The following FER variants were observed in gnomAD, a reference collection of about 807,000 sequenced individuals.
FER encodes the protein tyrosine-protein kinase Fer.
Under a neutral mutation model 111.0 loss-of-function variants are expected in FER, and 63 were observed. The observed-to-expected ratio is 0.57, with a 90% CI of 0.46 to 0.70. The LOEUF (loss-of-function observed/expected upper bound fraction) is 0.70, where lower values mean the gene tolerates loss of function less well. Ranked by LOEUF, FER falls within the 30% of genes least tolerant of loss-of-function variation. The pLI is 0.00. For missense variants in FER, 914 were observed against 954.0 expected, an observed-to-expected ratio of 0.96 and a Z score of 0.55; for synonymous variants, 327 against 313.9, an observed-to-expected ratio of 1.04 and a Z score of -0.44.
At chr5:108,769,480 C>T (rs1363812578) in intron 2 of FER, among the ~76,000 whole-genome samples, 1 of 151,880 alleles carries the variant, frequency 6.6e-6, no homozygotes, top group African/African-American at 2.4e-5. Context: ...AGGGTTTGGC[C>T]CGAGGTTTGC....
At chr5:108,947,256 C>T (rs1757109576) in intron 11 of FER, among the ~76,000 whole-genome samples, 1 of 151,924 alleles carries the variant, frequency 6.6e-6, no homozygotes, top group African/African-American at 2.4e-5. Context: ...TCTATTTAAG[C>T]TTTTGAGGAA....
At chr5:108,947,417 C>T (rs1309767643) in intron 11 of FER, among the ~76,000 whole-genome samples, 1 of 151,950 alleles carries the variant, frequency 6.6e-6, no homozygotes, top group Non-Finnish European at 1.5e-5. Flanking sequence ...TAGTATCTTA[C>T]TGTAGTTTTA....
chr5:109,057,705 A>T (rs1773825727), intron 16 of FER, among the ~76,000 whole-genome samples: 1 of 152,228 alleles, frequency 6.6e-6, no homozygotes, highest in Admixed American at 6.5e-5. Context: ...GCATAGTACC[A>T]TATCTTTTAA....
intron 5 of FER, among the ~76,000 whole-genome samples, chr5:108,858,006 G>A (rs899698198): frequency 6.6e-6 from 1 of 152,124 alleles, no homozygotes; most frequent in African/African-American, 2.4e-5. Flanking sequence ...AACAGTATCT[G>A]GCCATTGGTG....
At chr5:109,081,474 G>T (rs927144299) in intron 16 of FER, among the ~76,000 whole-genome samples, 9 of 151,942 alleles carry the variant, frequency 5.9e-5, no homozygotes, top group African/African-American at 2.2e-4. Context: ...TCTGCTTCTA[G>T]AGGCCTAGAG....
intron 5 of FER, among the ~76,000 whole-genome samples, chr5:108,837,182 A>G (rs928816744): frequency 1.8e-4 from 27 of 152,188 alleles, no homozygotes; most frequent in East Asian, 3.8e-4. Context: ...CAAACTTCCT[A>G]TACCTAATTA....
chr5:109,137,404 T>C (rs1753014774), intron 17 of FER, among the ~76,000 whole-genome samples: 1 of 152,198 alleles, frequency 6.6e-6, no homozygotes, highest in Admixed American at 6.5e-5. Flanking sequence ...TAACCAGCTT[T>C]CCCGACAGGC....
In FER at chr5:109,028,699, G is replaced by A. The variant is rs80279236; in HGVS notation, c.1657-8723G>A. ...AACATTAAGTTATATTCAAGGCTAG[G>A]ATTTATTGTCGCAAAAGACTGACTC... On this transcript the variant is annotated intron_variant, in intron 13 of 19. Transcript: ENST00000281092. Among the ~76,000 whole-genome samples the A allele has an allele frequency of 3.7e-3, 557 of 152,296 alleles. 4 individuals are homozygous for A. Among genetic ancestry groups the A allele is most frequent in the African/African-American group, 9.7e-3 (404 of 41,564 alleles).
chr5:108,894,553 C>A, intron 9 of FER: 2 of 405,968 alleles, frequency 4.9e-6, no homozygotes, highest in Non-Finnish European at 4.8e-6. Context: ...TGGAGGGTTC[C>A]ACAGATGCTC....
chr5:109,139,567 A>T (rs1200791073), intron 17 of FER, among the ~76,000 whole-genome samples: 3 of 152,016 alleles, frequency 2.0e-5, no homozygotes, highest in Non-Finnish European at 4.4e-5. Flanking sequence ...TTTGACTATG[A>T]CTTCATTTTC....
intron 2 of FER, among the ~76,000 whole-genome samples, chr5:108,776,558 T>G (rs1009680539): frequency 5.3e-5 from 8 of 152,146 alleles, no homozygotes; most frequent in Admixed American, 1.3e-4. Context: ...TACCCTTATA[T>G]TCACAAGAAA....
chr5:109,088,735 C>G (rs1362660004), intron 16 of FER, among the ~76,000 whole-genome samples: 1 of 151,922 alleles, frequency 6.6e-6, no homozygotes, highest in Non-Finnish European at 1.5e-5. Context: ...ATATAAAGGG[C>G]TAATTTGTTT....
At chr5:109,057,161 C>T (rs190835473) in intron 16 of FER, among the ~76,000 whole-genome samples, 2 of 152,266 alleles carry the variant, frequency 1.3e-5, no homozygotes, top group Admixed American at 1.3e-4. Context: ...TCAGATTTAT[C>T]ACTGATGTAC....
intron 16 of FER, among the ~76,000 whole-genome samples, chr5:109,059,929 G>A (rs1292482332): frequency 6.6e-6 from 1 of 152,152 alleles, no homozygotes; most frequent in African/African-American, 2.4e-5. Context: ...GAACCCAAAT[G>A]TCCATCAGCT....
chr5:109,012,388 G>A (rs1273108731), intron 13 of FER, among the ~76,000 whole-genome samples: 1 of 152,114 alleles, frequency 6.6e-6, no homozygotes, highest in African/African-American at 2.4e-5. Flanking sequence ...TCAATTGATG[G>A]CAAGTTTCAC....
chr5:109,177,103 TA>T (rs149368016), intron 17 of FER, among the ~76,000 whole-genome samples: 12,238 of 152,262 alleles, frequency 0.08, 609 homozygotes, highest in Middle Eastern at 0.14. Context: ...GTATAAGTGA[TA>T]TAAAAATTAT....
At chr5:108,962,242 T>C (rs1268920212) in intron 13 of FER, among the ~76,000 whole-genome samples, 2 of 152,192 alleles carry the variant, frequency 1.3e-5, no homozygotes, top group African/African-American at 4.8e-5. Context: ...TGTAAACATA[T>C]GGAAGATGGA....
chr5:108,898,274 A>G (rs1749442575), intron 10 of FER, among the ~76,000 whole-genome samples: 1 of 152,180 alleles, frequency 6.6e-6, no homozygotes, highest in African/African-American at 2.4e-5. Context: ...ATTTAGTTTA[A>G]GAATTTTTTT....
chr5:109,146,639 C>G (rs761653043), intron 17 of FER, among the ~76,000 whole-genome samples: 14 of 151,870 alleles, frequency 9.2e-5, no homozygotes, highest in Non-Finnish European at 1.8e-4. Flanking sequence ...ACCTATAAGA[C>G]ATCATATATA....
Sources: gnomAD v4.1 joint callset for allele counts (sites outside exome capture counted in the v4.1 genomes callset) on GRCh38, gnomAD v4.1.1 for gene constraint, MANE v1.5 for transcripts, NCBI Gene and HGNC (gene_info 2026-07-23, HGNC 2026-07-21) for gene names.